The following CLSTN1 variants were observed in gnomAD, a reference collection of about 807,000 sequenced individuals.
CLSTN1 encodes calsyntenin-1.
CLSTN1 carries 28 observed loss-of-function variants against 108.3 expected under a neutral mutation model. The ratio of observed to expected loss-of-function variants is 0.26; its 90% CI spans 0.19 to 0.35. The LOEUF is 0.35. CLSTN1 is among the 10% of genes least tolerant of loss of function. The pLI is 1.00. For missense variants in CLSTN1, 1,157 were observed against 1,302.6 expected, an observed-to-expected ratio of 0.89 and a Z score of 1.72; for synonymous variants, 524 against 534.9, an observed-to-expected ratio of 0.98 and a Z score of 0.28.
At chr1:9,800,062 G>C (rs1388268350) in intron 1 of CLSTN1, among the ~76,000 whole-genome samples, 1 of 152,174 alleles carries the variant, frequency 6.6e-6, no homozygotes, top group Non-Finnish European at 1.5e-5. Context: ...ATCAAAATGT[G>C]TGGGATGTAG....
chr1:9,787,548 C>T (rs904797162), intron 1 of CLSTN1, among the ~76,000 whole-genome samples: 1 of 150,794 alleles, frequency 6.6e-6, no homozygotes, highest in Non-Finnish European at 1.5e-5. Context: ...GGACTACAGG[C>T]ACCTGCCACC....
chr1:9,737,517 A>T lies in CLSTN1; in HGVS notation c.1557T>A (p.Pro519=). 1 of 1,614,144 alleles carries T rather than the reference A, an allele frequency of 6.2e-7. No individual in the cohort carries two copies. Among genetic ancestry groups the T allele is most frequent in the Non-Finnish European group, 8.5e-7 (1 of 1,179,964 alleles). The part of the protein sequence containing the change: ...SGVENDNETE[P]VTVASAGGDL... ...AGCAACCTGCAGAGGCCACAGTCACAGGCTCAGTTTCATTGTCATTTTCAA... is the reference window on the plus strand; with the variant it reads ...AGCAACCTGCAGAGGCCACAGTCACTGGCTCAGTTTCATTGTCATTTTCAA... Residue 519 remains proline (P), a synonymous_variant, in exon 11 of 19, where the codon CCT becomes CCA. Transcript: ENST00000377298.
intron 1 of CLSTN1, among the ~76,000 whole-genome samples, chr1:9,790,234 C>T (rs1393805908): frequency 6.6e-6 from 1 of 151,274 alleles, no homozygotes; most frequent in Non-Finnish European, 1.5e-5. Flanking sequence ...CACAATGTCG[C>T]CAATTCTTTT....
chr1:9,822,843 T>C (rs1436967220), intron 1 of CLSTN1, among the ~76,000 whole-genome samples: 7 of 151,976 alleles, frequency 4.6e-5, no homozygotes, highest in Non-Finnish European at 1.5e-5. Flanking sequence ...CAGAGAGGTT[T>C]CTCGTTTTTG....
At chr1:9,787,187 G>A (rs1359582607) in intron 1 of CLSTN1, among the ~76,000 whole-genome samples, 1 of 149,818 alleles carries the variant, frequency 6.7e-6, no homozygotes, top group Non-Finnish European at 1.5e-5. Flanking sequence ...CCAGAAGAAG[G>A]GGCTTCTGTT....
At chr1:9,755,439 C>T in intron 3 of CLSTN1, 130 bp from the exon 4 acceptor site, 1 of 700,078 alleles carries the variant, frequency 1.4e-6, no homozygotes, top group South Asian at 2.1e-5. Context: ...TTTGGAGGGT[C>T]CGTGGACAAA....
chr1:9,735,891 G>T lies in CLSTN1; in HGVS notation c.1728C>A (p.Gly576=), dbSNP rs370758398. ...DLQVLEDSGR[G]VQIQAHPSQL... is the part of the protein sequence containing the mutation. ...GTCGAGCGCTCGGTGTTACCTGCAC[G>T]CCTCTGCCACTGTCTTCGAGGACCT... Residue 576 remains glycine, a synonymous_variant, in exon 12 of 19, where the codon GGC becomes GGA. Transcript: ENST00000377298. The T allele has an allele frequency of 6.2e-7, 1 of 1,613,964 alleles. No homozygotes were observed. Among genetic ancestry groups the T allele is most frequent in the Non-Finnish European group, 8.5e-7 (1 of 1,180,024 alleles).
intron 10 of CLSTN1, among the ~76,000 whole-genome samples, chr1:9,738,122 C>CA (rs1355219596): frequency 6.6e-6 from 1 of 152,230 alleles, no homozygotes; most frequent in Non-Finnish European, 1.5e-5. Context: ...GGAAAGAAGA[C>CA]ATTCTCAATC....
At chr1:9,754,510 G>A (rs1651718465) in intron 4 of CLSTN1, among the ~76,000 whole-genome samples, 1 of 152,006 alleles carries the variant, frequency 6.6e-6, no homozygotes, top group African/African-American at 2.4e-5. Context: ...AATGAGCCAA[G>A]ATCGTGCCAC....
At chr1:9,802,936 C>T (rs1654349129) in intron 1 of CLSTN1, among the ~76,000 whole-genome samples, 1 of 151,664 alleles carries the variant, frequency 6.6e-6, no homozygotes, top group Non-Finnish European at 1.5e-5. Context: ...ATGATCCTCC[C>T]ACCTAAGCAT....
At chr1:9,799,735 G>T (rs1275768534) in intron 1 of CLSTN1, among the ~76,000 whole-genome samples, 1 of 151,568 alleles carries the variant, frequency 6.6e-6, no homozygotes, top group Non-Finnish European at 1.5e-5. Flanking sequence ...GAGGTCAAGA[G>T]ATCCAGACCA....
At chr1:9,784,906 T>C (rs553864833) in intron 1 of CLSTN1, among the ~76,000 whole-genome samples, 1 of 152,170 alleles carries the variant, frequency 6.6e-6, no homozygotes, top group Admixed American at 6.6e-5. Context: ...AAAAAAGCAT[T>C]TGGAACAGGT....
intron 1 of CLSTN1, among the ~76,000 whole-genome samples, chr1:9,805,404 T>A (rs914061855): frequency 5.3e-5 from 8 of 152,158 alleles, no homozygotes; most frequent in African/African-American, 1.9e-4. Context: ...CCCAACTATA[T>A]CTGTGTGAAG....
chr1:9,755,945 G>A (rs376894814), intron 3 of CLSTN1, among the ~76,000 whole-genome samples: 30 of 152,180 alleles, frequency 2.0e-4, no homozygotes, highest in East Asian at 1.2e-3. Context: ...CTACGATTCA[G>A]ACACAGTTTC....
At chr1:9,793,470 C>G (rs757462109) in intron 1 of CLSTN1, among the ~76,000 whole-genome samples, 1 of 151,544 alleles carries the variant, frequency 6.6e-6, no homozygotes, top group Non-Finnish European at 1.5e-5. Context: ...CGCTTCGAAT[C>G]TGAGACAATC....
chr1:9,783,447 C>T (rs1278247207), intron 1 of CLSTN1, among the ~76,000 whole-genome samples: 1 of 152,180 alleles, frequency 6.6e-6, no homozygotes, highest in Non-Finnish European at 1.5e-5. Context: ...AGGCTGGACA[C>T]AGTGGCTCAC....
At chr1:9,747,444 G>A (rs1173103825) in intron 7 of CLSTN1, among the ~76,000 whole-genome samples, 2 of 152,040 alleles carry the variant, frequency 1.3e-5, no homozygotes, top group Non-Finnish European at 2.9e-5. Context: ...ATTGGACTGT[G>A]GCAGCATAAT....
chr1:9,741,706 G>A (rs974146721), intron 9 of CLSTN1, among the ~76,000 whole-genome samples: 9 of 152,196 alleles, frequency 5.9e-5, no homozygotes, highest in Non-Finnish European at 1.2e-4. Context: ...GAGGTCAAGA[G>A]TTTGAGACCA....
intron 1 of CLSTN1, among the ~76,000 whole-genome samples, chr1:9,796,193 C>T (rs1653986279): frequency 6.8e-6 from 1 of 148,046 alleles, no homozygotes; most frequent in Non-Finnish European, 1.5e-5. Context: ...ACCTAGGAGG[C>T]AGAGGTTGCA....
Sources: gnomAD v4.1 joint callset for allele counts (sites outside exome capture counted in the v4.1 genomes callset) on GRCh38, gnomAD v4.1.1 for gene constraint, MANE v1.5 for transcripts, NCBI Gene and HGNC (gene_info 2026-07-23, HGNC 2026-07-21) for gene names.